CCDC85A: variants seen among roughly 807,000 people sequenced by gnomAD.
CCDC85A encodes the protein coiled-coil domain-containing protein 85A.
A neutral mutation model predicts 50.2 loss-of-function variants in CCDC85A; 38 were observed. That is an observed-to-expected ratio of 0.76 (90% CI 0.58 to 0.99). The LOEUF (loss-of-function observed/expected upper bound fraction) is 0.99. Among genes scored for constraint, CCDC85A ranks in the 50% least tolerant of loss-of-function variants. The pLI, the probability that CCDC85A is intolerant of heterozygous loss-of-function variation, is 0.00. For missense variants in CCDC85A, 820 were observed against 742.0 expected (o/e 1.11, Z -1.22); for synonymous variants, 366 against 301.4 (o/e 1.21, Z -2.22).
At chr2:56,289,169 C>T (rs1671587865) in intron 2 of CCDC85A, among the ~76,000 whole-genome samples, 1 of 152,160 alleles carries the variant, frequency 6.6e-6, no homozygotes, top group Non-Finnish European at 1.5e-5. Context: ...TTATTATCAG[C>T]TGACTTCAGA....
intron 2 of CCDC85A, among the ~76,000 whole-genome samples, chr2:56,332,488 T>TGAGAATAG (rs1295771907): frequency 6.6e-6 from 1 of 152,192 alleles, no homozygotes; most frequent in South Asian, 2.1e-4. Context: ...TATTCTCTCA[T>TGAGAATAG]GAGTTAGCCA....
chr2:56,214,995 A>T (rs72801184), intron 2 of CCDC85A, among the ~76,000 whole-genome samples: 3 of 151,882 alleles, frequency 2.0e-5, no homozygotes, highest in Non-Finnish European at 4.4e-5. Flanking sequence ...GAGTCTTCCA[A>T]TCCATGAACA....
At chr2:56,186,622 G>A (rs1244772097) in intron 1 of CCDC85A, among the ~76,000 whole-genome samples, 1 of 152,162 alleles carries the variant, frequency 6.6e-6, no homozygotes, top group African/African-American at 2.4e-5. Flanking sequence ...GTGTGATTTA[G>A]AAGAGTTGGA....
intron 2 of CCDC85A, among the ~76,000 whole-genome samples, chr2:56,313,429 T>C (rs1190832613): frequency 6.6e-6 from 1 of 152,130 alleles, no homozygotes; most frequent in Non-Finnish European, 1.5e-5. Flanking sequence ...GGAGAACTGA[T>C]ACCTTGATTT....
chr2:56,243,984 C>T (rs1189952651), intron 2 of CCDC85A, among the ~76,000 whole-genome samples: 1 of 152,176 alleles, frequency 6.6e-6, no homozygotes, highest in African/African-American at 2.4e-5. Context: ...ACTTTGTCTC[C>T]AACAAATAGA....
rs1360865555 is a variant in CCDC85A at position 56,375,803 on chromosome 2, A to C, written c.1453-13A>C. 6.2e-7 allele frequency: 1 copy of C among 1,612,086 alleles called. No individual in the cohort carries two copies. The highest frequency in any genetic ancestry group is 2.2e-5 in the East Asian group (1 of 44,856). On this transcript the variant is annotated splice_polypyrimidine_tract_variant and intron_variant, in intron 4 of 5. Coordinates refer to ENST00000407595, the MANE Select transcript of CCDC85A (RefSeq NM_001080433.2). ...TTTTGTTTTAATAACAAAGTTGTTG[A>C]TTTTCTACTAAGGGTTCTTTTAGGT...
intron 2 of CCDC85A, among the ~76,000 whole-genome samples, chr2:56,256,025 T>C (rs960510053): frequency 1.3e-5 from 2 of 152,144 alleles, no homozygotes; most frequent in Admixed American, 6.5e-5. Flanking sequence ...ACATATCCTA[T>C]GTAGAATTCA....
At chr2:56,274,559 C>T (rs1297900293) in intron 2 of CCDC85A, among the ~76,000 whole-genome samples, 2 of 152,168 alleles carry the variant, frequency 1.3e-5, no homozygotes, top group African/African-American at 4.8e-5. Flanking sequence ...ATAAAGCCCA[C>T]CCACATTGTG....
At chr2:56,314,080 G>A (rs1672813711) in intron 2 of CCDC85A, among the ~76,000 whole-genome samples, 1 of 148,042 alleles carries the variant, frequency 6.8e-6, no homozygotes, top group Non-Finnish European at 1.5e-5. Flanking sequence ...AGTTGAGATT[G>A]GATCTAGTAT....
At chr2:56,322,386 T>G (rs1673245923) in intron 2 of CCDC85A, among the ~76,000 whole-genome samples, 1 of 152,076 alleles carries the variant, frequency 6.6e-6, no homozygotes, top group African/African-American at 2.4e-5. Flanking sequence ...ATTTTTGCAA[T>G]CTACTCATCT....
intron 3 of CCDC85A, among the ~76,000 whole-genome samples, chr2:56,343,806 C>G (rs533239845): frequency 6.6e-6 from 1 of 152,258 alleles, no homozygotes; most frequent in South Asian, 2.1e-4. Context: ...CCTCAAACAA[C>G]TAGTAAGCAG....
chr2:56,271,892 A>G (rs1670716455), intron 2 of CCDC85A, among the ~76,000 whole-genome samples: 1 of 152,132 alleles, frequency 6.6e-6, no homozygotes, highest in Non-Finnish European at 1.5e-5. Flanking sequence ...TGATGAGGTA[A>G]AGGATAGAGG....
At chr2:56,219,187 T>C (rs1668211472) in intron 2 of CCDC85A, among the ~76,000 whole-genome samples, 1 of 148,228 alleles carries the variant, frequency 6.7e-6, no homozygotes, top group Admixed American at 6.8e-5. Flanking sequence ...CCAAAAGTAG[T>C]AGTATAGAGT....
intron 2 of CCDC85A, among the ~76,000 whole-genome samples, chr2:56,228,816 A>G (rs961460167): frequency 2.6e-5 from 4 of 152,188 alleles, no homozygotes; most frequent in African/African-American, 9.7e-5. Context: ...TACAGGCATG[A>G]GTCACCACAC....
chr2:56,304,931 CAAACAAAAAAACAAAAAA>C (rs796233484), intron 2 of CCDC85A, among the ~76,000 whole-genome samples: 3,714 of 144,280 alleles, frequency 0.026, 164 homozygotes, highest in African/African-American at 0.091. Flanking sequence ...AACAAACAAA[CAAACAAAAAAACAAAAAA>C]AAAAAAACCT....
chr2:56,184,264 G>A lies in CCDC85A; in HGVS notation c.-361G>A. ...GCGGGGGGCGACAGTCTCGGCTTAG[G>A]GCGGAGGAGAGGGCAGGGGAACGGC... On this transcript the variant is annotated 5_prime_UTR_variant, in exon 1 of 6. Transcript: ENST00000407595. 1.1e-6 allele frequency: 1 copy of A among 908,372 alleles called. No homozygotes were observed. Among genetic ancestry groups the A allele is most frequent in the Non-Finnish European group, 1.3e-6 (1 of 745,272 alleles). The allele number at this position is 908,372 out of a possible 1,614,324, so 56.3% of individuals were successfully genotyped here.
chr2:56,219,569 C>T (rs1219079661), intron 2 of CCDC85A, among the ~76,000 whole-genome samples: 2 of 151,730 alleles, frequency 1.3e-5, no homozygotes, highest in Non-Finnish European at 2.9e-5. Flanking sequence ...TATGTGCTTG[C>T]CTATTTCCTC....
At chr2:56,342,786 T>C (rs557582908) in intron 2 of CCDC85A, 93 bp from the exon 3 acceptor site, 6 of 717,970 alleles carry the variant, frequency 8.4e-6, no homozygotes, top group African/African-American at 1.8e-5. Flanking sequence ...AAATAGTCAC[T>C]GTCTGATTTG....
intron 1 of CCDC85A, among the ~76,000 whole-genome samples, chr2:56,186,191 C>G (rs1370389731): frequency 6.6e-6 from 1 of 152,156 alleles, no homozygotes; most frequent in Non-Finnish European, 1.5e-5. Context: ...CAGAAAAATG[C>G]CAAGGCTTAC....
Sources: gnomAD v4.1 joint callset for allele counts (sites outside exome capture counted in the v4.1 genomes callset) on GRCh38, gnomAD v4.1.1 for gene constraint, MANE v1.5 for transcripts, NCBI Gene and HGNC (gene_info 2026-07-23, HGNC 2026-07-21) for gene names.